The following ADAMTSL3 variants were observed in gnomAD, a reference collection of about 807,000 sequenced individuals.
The protein encoded by ADAMTSL3 is ADAMTS like 3, also known as ADAMTS-like protein 3.
A neutral mutation model predicts 201.7 loss-of-function variants in ADAMTSL3; 128 were observed. The ratio of observed to expected loss-of-function variants is 0.63; its 90% CI spans 0.55 to 0.73. The LOEUF is 0.73. Among genes scored for constraint, ADAMTSL3 ranks in the 30% least tolerant of loss-of-function variants. The pLI, the probability that ADAMTSL3 is intolerant of heterozygous loss-of-function variation, is 0.00. For missense variants in ADAMTSL3, 1,990 were observed against 2,119.6 expected (o/e 0.94, Z 1.20); for synonymous variants, 738 against 748.4 (o/e 0.99, Z 0.23).
chr15:83,867,566 A>G (rs528002603), intron 8 of ADAMTSL3, among the ~76,000 whole-genome samples: 1 of 152,354 alleles, frequency 6.6e-6, no homozygotes, highest in Non-Finnish European at 1.5e-5. Flanking sequence ...AGGACCATAT[A>G]TAGAGATGTA....
At chr15:83,656,419 G>A (rs535329062) in intron 2 of ADAMTSL3, among the ~76,000 whole-genome samples, 11 of 152,338 alleles carry the variant, frequency 7.2e-5, no homozygotes, top group Admixed American at 3.3e-4. Flanking sequence ...CAGTGGCAAA[G>A]TGCAGAACGC....
chr15:83,676,222 A>G (rs1235129784), intron 2 of ADAMTSL3, among the ~76,000 whole-genome samples: 1 of 151,848 alleles, frequency 6.6e-6, no homozygotes, highest in Non-Finnish European at 1.5e-5. Context: ...TAATGCAAGC[A>G]TTTAGTGCTA....
At chr15:83,790,394 G>A (rs1232932153) in intron 4 of ADAMTSL3, among the ~76,000 whole-genome samples, 1 of 150,976 alleles carries the variant, frequency 6.6e-6, no homozygotes, top group East Asian at 1.9e-4. Flanking sequence ...TAACCAAATG[G>A]GGTTTATTAG....
chr15:83,816,758 C>T (rs1258328370), intron 5 of ADAMTSL3, among the ~76,000 whole-genome samples: 1 of 152,200 alleles, frequency 6.6e-6, no homozygotes. Flanking sequence ...GTAATCCCAG[C>T]ACTTTGGGAG....
chr15:83,844,436 A>G (rs1184451002), intron 7 of ADAMTSL3, among the ~76,000 whole-genome samples: 2 of 152,172 alleles, frequency 1.3e-5, no homozygotes, highest in African/African-American at 4.8e-5. Flanking sequence ...ATTGTGTAGG[A>G]TATAAAGGGT....
chr15:84,004,049 A>T (rs930544382), intron 23 of ADAMTSL3, among the ~76,000 whole-genome samples: 9 of 152,228 alleles, frequency 5.9e-5, no homozygotes, highest in Non-Finnish European at 1.3e-4. Context: ...ACACTCCTTT[A>T]TGGGAAGAGC....
At chr15:83,777,516 T>A (rs946285452) in intron 4 of ADAMTSL3, among the ~76,000 whole-genome samples, 1 of 152,104 alleles carries the variant, frequency 6.6e-6, no homozygotes, top group Non-Finnish European at 1.5e-5. Context: ...GTTGGCCCCC[T>A]AAAATCTTTC....
intron 3 of ADAMTSL3, among the ~76,000 whole-genome samples, chr15:83,735,840 G>A (rs2062362080): frequency 6.6e-6 from 1 of 152,000 alleles, no homozygotes; most frequent in African/African-American, 2.4e-5. Context: ...AGGAGTTTCT[G>A]GCTAGAAAGA....
chr15:83,833,797 C>T (rs12438269), intron 6 of ADAMTSL3, among the ~76,000 whole-genome samples: 37,025 of 152,072 alleles, frequency 0.24, 5,079 homozygotes, highest in Admixed American at 0.42. Context: ...CAGATGTAGT[C>T]ACATTGGCTG....
chr15:83,901,916 T>C (rs1330787562), intron 15 of ADAMTSL3, among the ~76,000 whole-genome samples: 1 of 152,188 alleles, frequency 6.6e-6, no homozygotes, highest in Non-Finnish European at 1.5e-5. Context: ...CCAAGATCTT[T>C]TGCTTTCAAA....
rs751166162 is a variant in ADAMTSL3, at chr15:83,773,659, T to C, written c.317+9T>C. On this transcript the variant is annotated intron_variant, in intron 4 of 29. Coordinates refer to ENST00000286744, the MANE Select transcript of ADAMTSL3 (RefSeq NM_207517.3). ...AGATGTTTGACTGGAAGGTTAGTGG[T>C]GGCTTCACTTGCTCCTGCATGTGGA... 1.2e-6 allele frequency: 2 copies of C among 1,604,440 alleles called. No homozygotes were observed. The highest frequency in any genetic ancestry group is 1.1e-5 in the South Asian group (1 of 88,562).
intron 19 of ADAMTSL3, among the ~76,000 whole-genome samples, chr15:83,966,102 C>G (rs556151323): frequency 6.6e-6 from 1 of 152,038 alleles, no homozygotes; most frequent in Non-Finnish European, 1.5e-5. Context: ...AATTGACACC[C>G]TAACATCACA....
At chr15:83,763,586 G>C (rs2062843382) in intron 3 of ADAMTSL3, among the ~76,000 whole-genome samples, 1 of 149,884 alleles carries the variant, frequency 6.7e-6, no homozygotes, top group Non-Finnish European at 1.5e-5. Flanking sequence ...CTCACTGCAA[G>C]CTCTGCCTCC....
chr15:83,942,571 T>G, intron 17 of ADAMTSL3, 25 bp from the exon 18 acceptor site: 1 of 1,602,506 alleles, frequency 6.2e-7, no homozygotes, highest in Non-Finnish European at 8.5e-7. Flanking sequence ...ACTGTTCAAC[T>G]TTCCCCACTT....
At chr15:83,827,333 C>G (rs2064046932) in intron 6 of ADAMTSL3, among the ~76,000 whole-genome samples, 1 of 152,126 alleles carries the variant, frequency 6.6e-6, no homozygotes, top group Admixed American at 6.5e-5. Context: ...TGTTTATATC[C>G]TTTGCCCACT....
chr15:84,034,429 G>T (rs1231840500), intron 28 of ADAMTSL3, among the ~76,000 whole-genome samples: 1 of 152,184 alleles, frequency 6.6e-6, no homozygotes, highest in African/African-American at 2.4e-5. Context: ...TATGCCCTGG[G>T]AAGGTTTTGG....
chr15:83,840,852 G>A (rs530985270), intron 7 of ADAMTSL3, among the ~76,000 whole-genome samples: 10 of 152,326 alleles, frequency 6.6e-5, no homozygotes, highest in Admixed American at 5.9e-4. Context: ...AAAGCCTGGA[G>A]TAGGCAGCTA....
In ADAMTSL3 at chr15:83,759,415, C is replaced by T. The variant is rs370324937; in HGVS notation, c.190-14108C>T. The stretch of plus-strand genomic sequence containing the variant: ...TAATTTTTTGTATTTTTAGTAGAGA[C>T]GGGGTTTCACCATGTTAGCCGGGAT... On this transcript the variant is annotated intron_variant, in intron 3 of 29. Coordinates refer to ENST00000286744, the MANE Select transcript of ADAMTSL3 (RefSeq NM_207517.3). 3.9e-4 allele frequency among the ~76,000 whole-genome samples: 60 copies of T among 152,130 alleles called. 1 individual carries two copies. The East Asian group carries it at 9.1e-3, about 23-fold the overall frequency.
At chr15:83,668,412 A>C (rs1257982812) in intron 2 of ADAMTSL3, among the ~76,000 whole-genome samples, 1 of 151,504 alleles carries the variant, frequency 6.6e-6, no homozygotes, top group Non-Finnish European at 1.5e-5. Flanking sequence ...TCACTTTGAC[A>C]CTATACCTAC....
Sources: allele counts gnomAD v4.1 joint callset (sites outside exome capture counted in the v4.1 genomes callset), GRCh38; gene constraint gnomAD v4.1.1; transcripts MANE v1.5; gene names NCBI Gene and HGNC (gene_info 2026-07-23, HGNC 2026-07-21).